The following MICAL2 variants were observed in gnomAD, a reference collection of about 807,000 sequenced individuals.
MICAL2 encodes the protein [F-actin]-monooxygenase MICAL2.
A neutral mutation model predicts 127.3 loss-of-function variants in MICAL2; 77 were observed. That is an observed-to-expected ratio of 0.60 (90% CI 0.50 to 0.73). The LOEUF (loss-of-function observed/expected upper bound fraction) is 0.73. Ranked by LOEUF, MICAL2 falls within the 30% of genes least tolerant of loss-of-function variation. The pLI, the probability that MICAL2 is intolerant of heterozygous loss-of-function variation, is 0.00. For synonymous variants in MICAL2, 570 were observed against 551.1 expected (o/e 1.03, Z -0.48); for missense variants, 1,351 against 1,434.4 (o/e 0.94, Z 0.94).
chr11:12,253,257 C>T lies in MICAL2; in HGVS notation c.2848-2386C>T, dbSNP rs545073108. On this transcript the variant is annotated intron_variant, in intron 22 of 27. Transcript: ENST00000683283. ...CCCTCAGGAGCACAGGCACCCACAA[C>T]CTGTCACTGGGCCATGCACCCCAGG... is the stretch of plus-strand genomic sequence containing the variant. The T allele has an allele frequency of 4.6e-5, 7 of 152,400 alleles. 1 individual carries two copies. In the East Asian group the frequency reaches 1.4e-3, roughly 29 times the overall value. 9.4% of individuals were successfully genotyped at this position (152,400 alleles called of 1,614,324 possible).
At position 12,259,808 on chromosome 11, in the gene MICAL2, G is replaced by C. The variant is rs1396694817; in HGVS notation, c.3245G>C (p.Trp1082Ser). The C allele has an allele frequency of 6.4e-7, 1 of 1,550,470 alleles. No homozygotes were observed. Among genetic ancestry groups the C allele is most frequent in the East Asian group, 2.3e-5 (1 of 43,984 alleles). ...LKQQREEEAT[W>S]QEQEAPRRDT... Reference sequence around the variant, plus strand: ...TCTCTTTCTCAGGAGGAGGCAACATGGCAAGAGCAGGAAGCCCCTCGGAGA... The same window carrying C: ...TCTCTTTCTCAGGAGGAGGCAACATCGCAAGAGCAGGAAGCCCCTCGGAGA... The change falls in exon 26 of 28, where the codon TGG becomes TCG. Residue 1082 changes from tryptophan (W) to serine (S), a missense_variant. Transcript: ENST00000683283.
In MICAL2 at chr11:12,258,633, C is replaced by A. The variant is rs527659233; in HGVS notation, c.3231+77C>A. 29 of 1,376,228 alleles carry A rather than the reference C, an allele frequency of 2.1e-5. No homozygotes were observed. In the African/African-American group the frequency reaches 4.0e-4, roughly 19 times the overall value. 85.3% of individuals were successfully genotyped at this position (1,376,228 alleles called of 1,614,324 possible). On this transcript the variant is annotated intron_variant, in intron 25 of 27. Coordinates refer to ENST00000683283, the MANE Select transcript of MICAL2 (RefSeq NM_001282663.2). ...GTTTCCAGTGATCCTCAAAGTTAGGCCAGCTTTGCTGGCCCTAGAGGGATT... is the reference window on the plus strand; with the variant it reads ...GTTTCCAGTGATCCTCAAAGTTAGGACAGCTTTGCTGGCCCTAGAGGGATT...
chr11:12,330,821 GGGAGAGACAGAC>G lies in MICAL2; in HGVS notation c.5515+3556_5515+3567del, dbSNP rs145855250. Among the ~76,000 whole-genome samples the G allele has an allele frequency of 3.0e-3, 431 of 144,616 alleles. 1 individual carries two copies. Among genetic ancestry groups the G allele is most frequent in the South Asian group, 6.3e-3 (28 of 4,468 alleles). 94.9% of individuals were successfully genotyped at this position (144,616 alleles called of 152,430 possible). On this transcript the variant is annotated intron_variant, in intron 32 of 34. Coordinates refer to the MICAL2 transcript ENST00000646065. ...AGAGAGAGACAGAGAGAGAGAGAGA[GGGAGAGACAGAC>G]AGAGAGAGAGAGAGACAGAGAGAGG...
At chr11:12,347,524 T>C (rs373406837) in intron 32 of MICAL2, among the ~76,000 whole-genome samples, 29 of 152,352 alleles carry the variant, frequency 1.9e-4, no homozygotes, top group South Asian at 1.0e-3. Context: ...AGCCAAGCTC[T>C]GCATTCTAGC....
At chr11:12,233,047 C>CA (rs1292255684) in intron 15 of MICAL2, among the ~76,000 whole-genome samples, 2 of 152,172 alleles carry the variant, frequency 1.3e-5, no homozygotes, top group South Asian at 2.1e-4. Flanking sequence ...GTTACCAGAT[C>CA]AAAAAAACAG....
chr11:12,352,850 G>A (rs1406529302), intron 33 of MICAL2, among the ~76,000 whole-genome samples: 1 of 152,204 alleles, frequency 6.6e-6, no homozygotes, highest in Non-Finnish European at 1.5e-5. Context: ...GCAGCTCTGA[G>A]AAAGTCTTGG....
chr11:12,301,465 T>A (rs983718781), intron 29 of MICAL2, among the ~76,000 whole-genome samples: 2 of 152,246 alleles, frequency 1.3e-5, no homozygotes, highest in Non-Finnish European at 2.9e-5. Flanking sequence ...AGCACTCTTA[T>A]ACGTACGTAT....
At chr11:12,116,351 A>ATTTTT (rs56280931) in intron 1 of MICAL2, among the ~76,000 whole-genome samples, 1 of 107,738 alleles carries the variant, frequency 9.3e-6, no homozygotes, top group African/African-American at 3.9e-5. Flanking sequence ...CTTGATTTTG[A>ATTTTT]TTTTTTTTTT....
At chr11:12,203,012 TA>T (rs1447717021) in intron 3 of MICAL2, among the ~76,000 whole-genome samples, 10 of 152,236 alleles carry the variant, frequency 6.6e-5, no homozygotes, top group Non-Finnish European at 1.3e-4. Flanking sequence ...ACATTTCATA[TA>T]AACGAAATAC....
At chr11:12,286,478 CGCATAGAT>C (rs1470488957) in intron 2 of MICAL2, among the ~76,000 whole-genome samples, 1 of 152,182 alleles carries the variant, frequency 6.6e-6, no homozygotes, top group Non-Finnish European at 1.5e-5. Context: ...TATGCATATA[CGCATAGAT>C]GCATGTAGAT....
At chr11:12,187,990 T>A (rs1312021478) in intron 3 of MICAL2, among the ~76,000 whole-genome samples, 5 of 152,134 alleles carry the variant, frequency 3.3e-5, no homozygotes. Flanking sequence ...CTGTTCAGTG[T>A]TGCTTTTCCT....
rs1855650938 is a variant in MICAL2 at position 12,212,756 on chromosome 11, TG to T, written c.692-498del. On this transcript the variant is annotated intron_variant, in intron 6 of 27. Coordinates refer to ENST00000683283, the MANE Select transcript of MICAL2 (RefSeq NM_001282663.2). ...CAACACATGAATTTGTGTGTGTGTG[TG>T]TTGGAGAGGCACATAATACAACCCA... Among the ~76,000 whole-genome samples the T allele has an allele frequency of 2.4e-4, 37 of 152,238 alleles. 1 individual carries two copies. The South Asian group carries it at 7.5e-3, about 31-fold the overall frequency.
At chr11:12,318,795 C>T (rs1490245730) in intron 29 of MICAL2, among the ~76,000 whole-genome samples, 1 of 152,136 alleles carries the variant, frequency 6.6e-6, no homozygotes, top group Non-Finnish European at 1.5e-5. Context: ...AGAATAAAAG[C>T]CTCCTGTGGC....
At chr11:12,201,624 G>A (rs911428411) in intron 3 of MICAL2, among the ~76,000 whole-genome samples, 18 of 152,184 alleles carry the variant, frequency 1.2e-4, no homozygotes, top group East Asian at 5.8e-4. Flanking sequence ...GATGTTCCTC[G>A]TAAGATTTTC....
intron 30 of MICAL2, among the ~76,000 whole-genome samples, chr11:12,320,957 C>A (rs999645314): frequency 1.3e-5 from 2 of 151,704 alleles, no homozygotes; most frequent in Non-Finnish European, 2.9e-5. Context: ...GTGTTGATTT[C>A]TGTGGTTTTC....
At chr11:12,330,802 A>G (rs1864407988) in intron 32 of MICAL2, among the ~76,000 whole-genome samples, 1 of 142,942 alleles carries the variant, frequency 7.0e-6, no homozygotes, top group Non-Finnish European at 1.6e-5. Context: ...AGAGAGAGAG[A>G]GACAGAGAGA....
chr11:12,338,563 A>C (rs1354364377), intron 32 of MICAL2, among the ~76,000 whole-genome samples: 5 of 152,118 alleles, frequency 3.3e-5, no homozygotes, highest in Non-Finnish European at 7.3e-5. Flanking sequence ...TGGTCTTTAC[A>C]ATTTGGCATG....
chr11:12,194,702 C>T (rs1859661546), intron 3 of MICAL2, among the ~76,000 whole-genome samples: 1 of 152,104 alleles, frequency 6.6e-6, no homozygotes, highest in Non-Finnish European at 1.5e-5. Context: ...AAGAAGATCG[C>T]TGGCCAGATC....
chr11:12,248,842 C>A (rs937879376), intron 21 of MICAL2, among the ~76,000 whole-genome samples: 3 of 152,154 alleles, frequency 2.0e-5, no homozygotes, highest in African/African-American at 4.8e-5. Context: ...AGCTAGGCAA[C>A]CTTTTGGAGG....
Sources: allele counts gnomAD v4.1 joint callset (sites outside exome capture counted in the v4.1 genomes callset), GRCh38; gene constraint gnomAD v4.1.1; transcripts MANE v1.5; gene names NCBI Gene and HGNC (gene_info 2026-07-23, HGNC 2026-07-21).